Variants in ULK1 observed in about 807,000 individuals in gnomAD.
ULK1 encodes unc-51 like autophagy activating kinase 1, also known as serine/threonine-protein kinase ULK1.
Under a neutral mutation model 117.5 loss-of-function variants are expected in ULK1, and 48 were observed. The observed-to-expected ratio is 0.41, with a 90% CI of 0.32 to 0.52. ULK1 has a LOEUF of 0.52. Ranked by LOEUF, ULK1 falls within the 20% of genes least tolerant of loss-of-function variation. The pLI is 0.29. For synonymous variants in ULK1, 790 were observed against 637.8 expected (o/e 1.24, Z -3.60); for missense variants, 1,387 against 1,473.4 (o/e 0.94, Z 0.96).
rs990553909 is a variant in ULK1, at chr12:131,913,138, G to A, written c.1097-60G>A. 1.0e-5 allele frequency: 15 copies of A among 1,478,692 alleles called. No individual in the cohort carries two copies. The East Asian group carries it at 3.5e-4, about 35-fold the overall frequency. The allele number at this position is 1,478,692 out of a possible 1,614,324, so 91.6% of individuals were successfully genotyped here. On this transcript the variant is annotated intron_variant, in intron 13 of 27. Coordinates refer to ENST00000321867, the MANE Select transcript of ULK1 (RefSeq NM_003565.4). ...GGGATCCAGCAGAGAGCCTCGGTGGGGTGGGGTGGCCCTGGGCAGGCGGCA... is the reference window on the plus strand; with the variant it reads ...GGGATCCAGCAGAGAGCCTCGGTGGAGTGGGGTGGCCCTGGGCAGGCGGCA...
At chr12:131,908,443 G>A (rs939138578) in intron 5 of ULK1, among the ~76,000 whole-genome samples, 2 of 151,398 alleles carry the variant, frequency 1.3e-5, no homozygotes, top group Non-Finnish European at 3.0e-5. Context: ...CCGGCGCGCC[G>A]GGCTCTGCGC....
rs561661534 is a variant in ULK1 at position 131,896,415 on chromosome 12, G to A, written c.246+591G>A. 8.2e-5 allele frequency: 13 copies of A among 157,734 alleles called. No individual in the cohort carries two copies. In the South Asian group the frequency reaches 2.0e-3, roughly 24 times the overall value. The allele number at this position is 157,734 out of a possible 1,614,324, so 9.8% of individuals were successfully genotyped here. On this transcript the variant is annotated intron_variant, in intron 3 of 27. Transcript: ENST00000321867. ...GTGTCCCGGGGCCCAGGGCAGGCAG[G>A]GCTGGGGCTGTGGGAGCCAGGGTGC...
At chr12:131,918,301 T>C in intron 22 of ULK1, 196 bp from the exon 23 acceptor site, 1 of 645,798 alleles carries the variant, frequency 1.5e-6, no homozygotes, top group Non-Finnish European at 2.6e-6. Flanking sequence ...GACTTGGGGG[T>C]TGTGGTGAGT....
At chr12:131,918,803 G>A (rs1566128940) in intron 23 of ULK1, 122 bp downstream of exon 23, 1 of 859,332 alleles carries the variant, frequency 1.2e-6, no homozygotes, top group Non-Finnish European at 1.7e-6. Context: ...GGGGGTGTGG[G>A]GTGTAGTGTG....
intron 26 of ULK1, 134 bp from the exon 27 acceptor site, chr12:131,920,966 A>T: frequency 1.6e-6 from 2 of 1,262,192 alleles, no homozygotes; most frequent in Non-Finnish European, 2.1e-6. Flanking sequence ...AGGCTGCACC[A>T]GCACTTATGT....
intron 8 of ULK1, 139 bp downstream of exon 8, chr12:131,909,376 G>A: frequency 3.1e-6 from 3 of 982,758 alleles, no homozygotes; most frequent in South Asian, 1.7e-5. Flanking sequence ...GGCGTCCAGG[G>A]GTCCAGTGGG....
intron 1 of ULK1, 131 bp from the exon 2 acceptor site, chr12:131,895,470 C>G: frequency 1.3e-6 from 1 of 747,908 alleles, no homozygotes; most frequent in Non-Finnish European, 2.2e-6. Context: ...CTCAACCTGG[C>G]TCCCCACTCG....
At chr12:131,911,232 C>T (rs1317322776) in intron 12 of ULK1, among the ~76,000 whole-genome samples, 1 of 152,182 alleles carries the variant, frequency 6.6e-6, no homozygotes, top group African/African-American at 2.4e-5. Context: ...GCCATGAACC[C>T]CCGTCCCTCT....
At position 131,910,280 on chromosome 12, in the gene ULK1, G is replaced by A. The variant is rs1889476252; in HGVS notation, c.835G>A (p.Asp279Asn). The A allele has an allele frequency of 2.5e-6, 4 of 1,613,616 alleles. No individual in the cohort carries two copies. The highest frequency in any genetic ancestry group is 1.3e-5 in the African/African-American group (1 of 74,904). ...TGAGTTTTTTCATCACCCTTTCCTC[G>A]ATGCCAGCCCCTCGGTCAGGAAATG... ...FDEFFHHPFLDASPSVRKSPP... is the reference protein window; with the variant it reads ...FDEFFHHPFLNASPSVRKSPP... The change falls in exon 11 of 28, where the codon GAT becomes AAT. Residue 279 changes from aspartate (D) to asparagine (N), a missense_variant. Physicochemically the swap from Asp to Asn is conservative, Grantham distance 23. Around this residue, in one of 4 missense-constraint regions of ULK1, gnomAD observed 260 missense variants for 271.6 expected, o/e 0.96. Transcript: ENST00000321867.
Position 131,916,968 on chromosome 12 carries a change from C to T in ULK1, c.2088C>T (p.Ser696=). The change falls in exon 21 of 28, where the codon AGC becomes AGT. Residue 696 remains serine (S), a synonymous_variant. Coordinates refer to ENST00000321867, the MANE Select transcript of ULK1 (RefSeq NM_003565.4). ...ACTCCCACAGGTCTTTCAGCACCAGCCGCCTCACTGACCTGCTCCTTAAGG... is the reference window on the plus strand; with the variant it reads ...ACTCCCACAGGTCTTTCAGCACCAGTCGCCTCACTGACCTGCTCCTTAAGG... ...KGPFGRSFST[S]RLTDLLLKAA... 1.2e-6 allele frequency: 2 copies of T among 1,610,700 alleles called. No homozygotes were observed. Among genetic ancestry groups the T allele is most frequent in the Non-Finnish European group, 1.7e-6 (2 of 1,178,992 alleles).
At chr12:131,916,183 A>G in intron 19 of ULK1, 24 bp downstream of exon 19, 18 of 1,602,778 alleles carry the variant, frequency 1.1e-5, no homozygotes, top group Non-Finnish European at 1.5e-5. Context: ...CCATGTGTGC[A>G]GGGGCACAGA....
chr12:131,906,995 C>T, intron 4 of ULK1, 71 bp downstream of exon 4: 2 of 1,601,440 alleles, frequency 1.2e-6, no homozygotes, highest in Admixed American at 3.3e-5. Context: ...CAGGGAGGGA[C>T]ATGGCTGGGG....
chr12:131,911,607 T>C (rs1222551559), intron 12 of ULK1, among the ~76,000 whole-genome samples: 1 of 151,980 alleles, frequency 6.6e-6, no homozygotes, highest in Non-Finnish European at 1.5e-5. Context: ...GCTATGCCGA[T>C]GGAAAAGTGA....
Position 131,919,961 on chromosome 12 carries a change from C to T in ULK1, c.2804-18C>T, listed in dbSNP as rs546158075. 1.2e-6 allele frequency: 2 copies of T among 1,607,972 alleles called. No homozygotes were observed. Among genetic ancestry groups the T allele is most frequent in the East Asian group, 2.2e-5 (1 of 44,762 alleles). Reference sequence around the variant, plus strand: ...CGTGTCTGCTGCACCCTGAGCTGACCACCCTCGTCCTTTGCAGTGGTGCGC... The same window carrying T: ...CGTGTCTGCTGCACCCTGAGCTGACTACCCTCGTCCTTTGCAGTGGTGCGC... On this transcript the variant is annotated intron_variant, in intron 25 of 27. Coordinates refer to ENST00000321867, the MANE Select transcript of ULK1 (RefSeq NM_003565.4).
chr12:131,905,520 G>A (rs1593262573), intron 3 of ULK1, among the ~76,000 whole-genome samples: 1 of 152,324 alleles, frequency 6.6e-6, no homozygotes, highest in East Asian at 1.9e-4. Context: ...CCTACAACAG[G>A]TGTGGACTCG....
chr12:131,910,660 TGAG>T lies in ULK1; in HGVS notation c.860-45_860-43del, dbSNP rs1484782433. On this transcript the variant is annotated intron_variant, in intron 11 of 27. Transcript: ENST00000321867. ...TCCAGTCTGTGGGTTGGCTCGAGGG[TGAG>T]GAGGAGACAGGAGGATGGCCCAGAC... The T allele has an allele frequency of 1.4e-5, 22 of 1,612,424 alleles. No homozygotes were observed. In the African/African-American group the frequency reaches 2.4e-4, roughly 18 times the overall value.
chr12:131,921,782 G>A lies in ULK1; in HGVS notation c.*421G>A, dbSNP rs1048869521. 33 of 506,332 alleles carry A rather than the reference G, an allele frequency of 6.5e-5. No individual in the cohort carries two copies. The highest frequency in any genetic ancestry group is 3.9e-4 in the Admixed American group (17 of 43,850). The allele number at this position is 506,332 out of a possible 1,614,324, so 31.4% of individuals were successfully genotyped here. A position where few individuals can be genotyped will look rare whatever the true frequency, so the allele number is the denominator to read the frequency against. ...GAGCCTGCGGCCTCGGCGTCCCCCA[G>A]TCTCCAGGAGCCTCTCCCTCCGAGA... On this transcript the variant is annotated 3_prime_UTR_variant, in exon 28 of 28. Transcript: ENST00000321867.
chr12:131,910,866 G>A (rs1338281038), intron 12 of ULK1, 66 bp downstream of exon 12: 2 of 1,597,472 alleles, frequency 1.3e-6, no homozygotes, highest in Non-Finnish European at 1.7e-6. Flanking sequence ...CTCCAGCCCT[G>A]GGCCCCCGCG....
chr12:131,913,857 G>T, intron 15 of ULK1, 21 bp downstream of exon 15: 1 of 1,492,332 alleles, frequency 6.7e-7, no homozygotes, highest in East Asian at 2.5e-5. Context: ...CCCCAGGCTG[G>T]GTGGATGGGG....
Sources: allele counts gnomAD v4.1 joint callset (sites outside exome capture counted in the v4.1 genomes callset), GRCh38; gene constraint gnomAD v4.1.1; regional missense constraint gnomAD v4.1.1; transcripts MANE v1.5; gene names NCBI Gene and HGNC (gene_info 2026-07-23, HGNC 2026-07-21).